CCSER1: variants seen among roughly 807,000 people sequenced by gnomAD.
The protein encoded by CCSER1 is coiled-coil serine rich protein 1.
Under a neutral mutation model 82.0 loss-of-function variants are expected in CCSER1, and 41 were observed. The ratio of observed to expected loss-of-function variants is 0.50; its 90% CI spans 0.39 to 0.65. The LOEUF (loss-of-function observed/expected upper bound fraction) is 0.65. CCSER1 is among the 30% of genes least tolerant of loss of function. The pLI is 0.00. For synonymous variants in CCSER1, 414 were observed against 383.9 expected, an observed-to-expected ratio of 1.08 and a Z score of -0.92; for missense variants, 1,119 against 1,064.2, an observed-to-expected ratio of 1.05 and a Z score of -0.72.
At chr4:91,001,993 A>G (rs2150478929) in intron 9 of CCSER1, among the ~76,000 whole-genome samples, 1 of 152,232 alleles carries the variant, frequency 6.6e-6, no homozygotes, top group South Asian at 2.1e-4. Context: ...AAAAGATTGT[A>G]TCTTTTTTTC....
chr4:90,498,726 T>C (rs993100358), intron 5 of CCSER1, among the ~76,000 whole-genome samples: 2 of 152,168 alleles, frequency 1.3e-5, no homozygotes, highest in Non-Finnish European at 2.9e-5. Context: ...GATTAATGTT[T>C]TCCATGCCTC....
At chr4:90,562,445 A>G (rs1056644186) in intron 5 of CCSER1, among the ~76,000 whole-genome samples, 8 of 152,192 alleles carry the variant, frequency 5.3e-5, no homozygotes, top group Non-Finnish European at 1.2e-4. Context: ...TCATGTTTTA[A>G]TGTTCTTAAC....
At chr4:90,439,243 A>G (rs1291162219) in intron 4 of CCSER1, among the ~76,000 whole-genome samples, 3 of 152,146 alleles carry the variant, frequency 2.0e-5, no homozygotes, top group Non-Finnish European at 4.4e-5. Flanking sequence ...AGCTGAGATC[A>G]CACCACTGCA....
chr4:90,768,337 A>G (rs1751568860), intron 7 of CCSER1, among the ~76,000 whole-genome samples: 1 of 152,220 alleles, frequency 6.6e-6, no homozygotes, highest in South Asian at 2.1e-4. Flanking sequence ...TTAGAATCCA[A>G]CATCATGAGA....
chr4:90,273,343 G>T (rs1389186791), intron 1 of CCSER1, among the ~76,000 whole-genome samples: 1 of 152,062 alleles, frequency 6.6e-6, no homozygotes, highest in Non-Finnish European at 1.5e-5. Context: ...TTAATCGCAT[G>T]TTTAAAGATA....
intron 9 of CCSER1, among the ~76,000 whole-genome samples, chr4:91,010,134 CCTT>C (rs1225038748): frequency 2.6e-5 from 4 of 152,058 alleles, no homozygotes; most frequent in Admixed American, 2.6e-4. Context: ...GACTATTTCT[CCTT>C]CATTTCTTAA....
chr4:91,569,277 T>G (rs1763047186), intron 10 of CCSER1, among the ~76,000 whole-genome samples: 1 of 152,144 alleles, frequency 6.6e-6, no homozygotes, highest in Middle Eastern at 3.2e-3. Flanking sequence ...TCCTCTCCCC[T>G]TGAGTGCTGG....
chr4:90,913,420 C>A (rs1003885447), intron 8 of CCSER1, among the ~76,000 whole-genome samples: 2 of 152,006 alleles, frequency 1.3e-5, no homozygotes, highest in African/African-American at 4.8e-5. Context: ...GAAATAAAAT[C>A]CTTTACAGAC....
intron 10 of CCSER1, among the ~76,000 whole-genome samples, chr4:91,455,538 A>G (rs1282326242): frequency 6.6e-6 from 1 of 151,988 alleles, no homozygotes; most frequent in Non-Finnish European, 1.5e-5. Flanking sequence ...CTCATTAGAC[A>G]CCGTATATAC....
chr4:91,055,052 T>C (rs1463706188), intron 9 of CCSER1, among the ~76,000 whole-genome samples: 1 of 152,206 alleles, frequency 6.6e-6, no homozygotes, highest in East Asian at 1.9e-4. Context: ...TTATAGCTTT[T>C]GTGTCCTTCC....
At chr4:90,791,298 C>T (rs1755198610) in intron 7 of CCSER1, among the ~76,000 whole-genome samples, 1 of 152,126 alleles carries the variant, frequency 6.6e-6, no homozygotes, top group Non-Finnish European at 1.5e-5. Flanking sequence ...CACAGCTAAA[C>T]CACAGCAGTG....
chr4:91,384,291 G>A (rs1297150299), intron 10 of CCSER1, among the ~76,000 whole-genome samples: 1 of 152,044 alleles, frequency 6.6e-6, no homozygotes, highest in Admixed American at 6.6e-5. Context: ...ATGTATTGCA[G>A]ATAAATAAGT....
intron 8 of CCSER1, among the ~76,000 whole-genome samples, chr4:90,887,727 C>T (rs1381891649): frequency 6.6e-6 from 1 of 151,962 alleles, no homozygotes; most frequent in African/African-American, 2.4e-5. Context: ...ACAAAAAATA[C>T]AAGAATTAGT....
intron 5 of CCSER1, among the ~76,000 whole-genome samples, chr4:90,493,521 G>A (rs961210514): frequency 6.6e-6 from 1 of 152,078 alleles, no homozygotes; most frequent in African/African-American, 2.4e-5. Context: ...GAGAAAGGTC[G>A]GGTTACCCAC....
rs547891168 is a variant in CCSER1, at chr4:91,460,179, A to T, written c.2218-138393A>T. Among the ~76,000 whole-genome samples the T allele has an allele frequency of 4.6e-5, 7 of 152,290 alleles. No individual in the cohort carries two copies. In the East Asian group the frequency reaches 1.4e-3, roughly 29 times the overall value. On this transcript the variant is annotated intron_variant, in intron 10 of 10. Transcript: ENST00000509176. The stretch of plus-strand genomic sequence containing the variant: ...TTGTCTTTAATTTGCAAACAAAAAA[A>T]TTTACATGTGTTCTAAATAAACAAA...
rs1166821094 is a variant in CCSER1, at chr4:90,909,840, A to G, written c.2095-13530A>G. Among the ~76,000 whole-genome samples the G allele has an allele frequency of 2.0e-5, 3 of 152,202 alleles. No individual in the cohort carries two copies. In the East Asian group the frequency reaches 5.8e-4, roughly 29 times the overall value. ...CTTTGCCAGTGTTTAAATATACTGC[A>G]ATGTACTCTTTGAAAAAATCTAGAA... On this transcript the variant is annotated intron_variant, in intron 8 of 10. Transcript: ENST00000509176.
chr4:90,236,332 A>G (rs1745802335), intron 1 of CCSER1, among the ~76,000 whole-genome samples: 1 of 152,204 alleles, frequency 6.6e-6, no homozygotes, highest in African/African-American at 2.4e-5. Context: ...CTTAATCGAG[A>G]AAAGCATATG....
chr4:91,063,823 G>T (rs1744148179), intron 9 of CCSER1, among the ~76,000 whole-genome samples: 1 of 152,104 alleles, frequency 6.6e-6, no homozygotes, highest in African/African-American at 2.4e-5. Context: ...CCTTACAAGA[G>T]TGGTGGAAAA....
At chr4:90,820,975 A>G (rs1186862955) in intron 8 of CCSER1, among the ~76,000 whole-genome samples, 1 of 152,096 alleles carries the variant, frequency 6.6e-6, no homozygotes, top group Non-Finnish European at 1.5e-5. Flanking sequence ...ACACCAGACT[A>G]CTTCTTTGGA....
Sources: gnomAD v4.1 joint callset for allele counts (sites outside exome capture counted in the v4.1 genomes callset) on GRCh38, gnomAD v4.1.1 for gene constraint, MANE v1.5 for transcripts, NCBI Gene and HGNC (gene_info 2026-07-23, HGNC 2026-07-21) for gene names.